Variants in PRR5L observed in about 807,000 individuals in gnomAD.
PRR5L encodes the protein proline-rich protein 5-like.
In PRR5L, 21 loss-of-function variants were observed where a neutral mutation model predicts 36.4. That is an observed-to-expected ratio of 0.58 (90% CI 0.41 to 0.83). PRR5L has a LOEUF of 0.83. Among genes scored for constraint, PRR5L ranks in the 40% least tolerant of loss-of-function variants. PRR5L has a pLI of 0.00. For synonymous variants in PRR5L, 188 were observed against 197.0 expected (o/e 0.95, Z 0.38); for missense variants, 381 against 473.3 (o/e 0.80, Z 1.81).
At chr11:36,373,770 G>GGA (rs1460870731) in intron 1 of PRR5L, among the ~76,000 whole-genome samples, 1 of 143,490 alleles carries the variant, frequency 7.0e-6, no homozygotes, top group Non-Finnish European at 1.5e-5. Flanking sequence ...TTCTCCCAGA[G>GGA]GAGACTCTTT....
intron 1 of PRR5L, among the ~76,000 whole-genome samples, chr11:36,372,028 A>G (rs1222743086): frequency 2.0e-5 from 3 of 152,218 alleles, no homozygotes; most frequent in African/African-American, 7.2e-5. Context: ...ACTGCACTCC[A>G]GCCTGGGTGA....
At chr11:36,406,257 T>C (rs1857910152) in intron 3 of PRR5L, among the ~76,000 whole-genome samples, 1 of 152,164 alleles carries the variant, frequency 6.6e-6, no homozygotes, top group African/African-American at 2.4e-5. Context: ...CTCTGTGTCT[T>C]GACTGATTTT....
At chr11:36,298,419 G>A (rs1246036748) in intron 1 of PRR5L, among the ~76,000 whole-genome samples, 1 of 152,026 alleles carries the variant, frequency 6.6e-6, no homozygotes, top group Non-Finnish European at 1.5e-5. Flanking sequence ...CCTCCAATTA[G>A]ACAGTCCCAT....
At chr11:36,353,767 C>T (rs1375223753) in intron 1 of PRR5L, among the ~76,000 whole-genome samples, 1 of 152,196 alleles carries the variant, frequency 6.6e-6, no homozygotes, top group African/African-American at 2.4e-5. Flanking sequence ...GGAGGTGGAG[C>T]TCAGCTAGTA....
chr11:36,452,105 T>C (rs1446588718), intron 8 of PRR5L, among the ~76,000 whole-genome samples: 1 of 152,216 alleles, frequency 6.6e-6, no homozygotes, highest in East Asian at 1.9e-4. Context: ...AGTTATTGTC[T>C]GAAATATAAA....
chr11:36,328,697 C>T (rs1431085710), intron 1 of PRR5L, among the ~76,000 whole-genome samples: 2 of 152,144 alleles, frequency 1.3e-5, no homozygotes, highest in African/African-American at 4.8e-5. Flanking sequence ...CTTCTCATCT[C>T]CAGTGATAGG....
At chr11:36,420,811 A>G (rs80176087) in intron 4 of PRR5L, among the ~76,000 whole-genome samples, 10,698 of 150,330 alleles carry the variant, frequency 0.071, 381 homozygotes, top group African/African-American at 0.087. Context: ...TGCACTTTAA[A>G]AGAATGACAT....
chr11:36,412,921 T>C (rs1238017639), intron 3 of PRR5L, among the ~76,000 whole-genome samples: 1 of 152,136 alleles, frequency 6.6e-6, no homozygotes, highest in Non-Finnish European at 1.5e-5. Context: ...TTCAAAGAAT[T>C]AATGAATGGG....
intron 1 of PRR5L, chr11:36,376,756 G>T (rs898835910): frequency 1.3e-5 from 13 of 977,182 alleles, no homozygotes; most frequent in Non-Finnish European, 1.6e-5. Flanking sequence ...CATAGGCTCA[G>T]CAACCGCGCA....
chr11:36,314,996 T>C (rs1039536306), intron 1 of PRR5L, among the ~76,000 whole-genome samples: 1 of 152,226 alleles, frequency 6.6e-6, no homozygotes, highest in African/African-American at 2.4e-5. Flanking sequence ...TGTATGCTTT[T>C]TGTATAACTA....
At chr11:36,425,971 C>T (rs992160710) in intron 4 of PRR5L, 2 of 152,266 alleles carry the variant, frequency 1.3e-5, no homozygotes, top group Non-Finnish European at 2.9e-5. Context: ...CAGCTGCCAC[C>T]CCTCTGGGGT....
intron 1 of PRR5L, among the ~76,000 whole-genome samples, chr11:36,379,638 A>T (rs1461604865): frequency 6.6e-6 from 1 of 152,222 alleles, no homozygotes; most frequent in Non-Finnish European, 1.5e-5. Flanking sequence ...GGGGTTTGGA[A>T]TTGGGGAACA....
At chr11:36,458,239 G>A (rs11033637) in intron 8 of PRR5L, among the ~76,000 whole-genome samples, 73,627 of 152,038 alleles carry the variant, frequency 0.48, 19,241 homozygotes, top group South Asian at 0.68. Flanking sequence ...CAAGGAACAT[G>A]TCTTCTGAGG....
chr11:36,324,181 T>G (rs1168439204), intron 1 of PRR5L, among the ~76,000 whole-genome samples: 3 of 152,196 alleles, frequency 2.0e-5, no homozygotes, highest in African/African-American at 2.4e-5. Flanking sequence ...AATTATGACA[T>G]AATTAGATAA....
intron 1 of PRR5L, among the ~76,000 whole-genome samples, chr11:36,358,233 G>A (rs1086878): frequency 0.035 from 5,263 of 152,258 alleles, 314 homozygotes; most frequent in African/African-American, 0.12. Flanking sequence ...TTCCACTGAG[G>A]GTAAAATGCT....
At chr11:36,376,849 G>C (rs558562918) in intron 1 of PRR5L, 34 of 515,042 alleles carry the variant, frequency 6.6e-5, no homozygotes, top group African/African-American at 8.3e-5. Flanking sequence ...GTCACGTTTG[G>C]GGGGGCAACC....
Position 36,464,463 on chromosome 11 carries a change from T to TAAGA in PRR5L, c.*1728_*1731dup, listed in dbSNP as rs377048868. 766 of 152,352 alleles carry TAAGA rather than the reference T, an allele frequency of 5.0e-3. 8 individuals are homozygous for TAAGA. Among genetic ancestry groups the TAAGA allele is most frequent in the African/African-American group, 0.017 (714 of 41,576 alleles). 9.4% of individuals were successfully genotyped at this position (152,352 alleles called of 1,614,324 possible). A position where few individuals can be genotyped will look rare whatever the true frequency, so the allele number is the denominator to read the frequency against. ...TTTAAGAGTTATTTCATTTTCATCC[T>TAAGA]AAGAGTGATGGGAGAGAAATGTCCA... On this transcript the variant is annotated 3_prime_UTR_variant, in exon 9 of 9. Transcript: ENST00000530639.
intron 8 of PRR5L, among the ~76,000 whole-genome samples, chr11:36,458,600 G>C (rs553470540): frequency 6.6e-6 from 1 of 152,362 alleles, no homozygotes; most frequent in Admixed American, 6.5e-5. Context: ...CCGATGACGG[G>C]AGCTGCTGTG....
chr11:36,366,703 A>G (rs980012113), intron 1 of PRR5L, among the ~76,000 whole-genome samples: 13 of 152,278 alleles, frequency 8.5e-5, no homozygotes, highest in African/African-American at 3.1e-4. Context: ...TATGGGATGT[A>G]CCTTGTATTA....
Sources: allele counts gnomAD v4.1 joint callset (sites outside exome capture counted in the v4.1 genomes callset), GRCh38; gene constraint gnomAD v4.1.1; transcripts MANE v1.5; gene names NCBI Gene and HGNC (gene_info 2026-07-23, HGNC 2026-07-21).